Variants in NEMP2 observed in about 807,000 individuals in gnomAD.
NEMP2 encodes the protein UPF0571 transmembrane protein.
Under a neutral mutation model 54.2 loss-of-function variants are expected in NEMP2, and 53 were observed. That is an observed-to-expected ratio of 0.98 (90% CI 0.78 to 1.23). The LOEUF (loss-of-function observed/expected upper bound fraction) is 1.23, where lower values mean the gene tolerates loss of function less well. Ranked by LOEUF, NEMP2 falls within the 50% of genes most tolerant of loss-of-function variation. NEMP2 has a pLI of 0.00. For missense variants in NEMP2, 455 were observed against 511.3 expected (o/e 0.89, Z 1.06); for synonymous variants, 197 against 190.3 (o/e 1.04, Z -0.29).
the NEMP2 span, chr2:190,489,801 C>T: frequency 1.2e-6 from 2 of 1,614,166 alleles, no homozygotes; most frequent in South Asian, 1.1e-5. The surrounding 1 kb of genome is among the most constrained non-coding windows in gnomAD (Gnocchi z 6.6). Context: ...ATTGGCATGG[C>T]CTGCTTGGTG....
chr2:190,571,624 C>T, the NEMP2 span, among the ~76,000 whole-genome samples: 11 of 152,076 alleles, frequency 7.2e-5, no homozygotes, highest in Non-Finnish European at 1.0e-4. Flanking sequence ...CACTCTCTTA[C>T]GAATTTCCAG....
the NEMP2 span, chr2:190,437,024 C>T: frequency 6.2e-7 from 1 of 1,614,172 alleles, no homozygotes; most frequent in Non-Finnish European, 8.5e-7. This position sits in a 1 kb window ranked among gnomAD's most constrained non-coding sequence, Gnocchi z 5.9. Context: ...ATGTGGGGCT[C>T]CCTGGGCTGG....
chr2:190,435,596 A>G, the NEMP2 span, among the ~76,000 whole-genome samples: 3 of 152,108 alleles, frequency 2.0e-5, no homozygotes, highest in East Asian at 5.8e-4. Context: ...AGACTTCATA[A>G]TGTAGTGGAT....
chr2:190,462,030 TC>T, the NEMP2 span, among the ~76,000 whole-genome samples: 1 of 152,110 alleles, frequency 6.6e-6, no homozygotes, highest in Non-Finnish European at 1.5e-5. This position sits in a 1 kb window ranked among gnomAD's most constrained non-coding sequence, Gnocchi z 5.7. Context: ...CTATACGAAC[TC>T]AAAATCTACA....
chr2:190,519,118 A>G lies in NEMP2; in HGVS notation c.279T>C (p.Tyr93=). The G allele has an allele frequency of 6.4e-7, 1 of 1,551,176 alleles. No individual in the cohort carries two copies. The highest frequency in any genetic ancestry group is 8.7e-7 in the Non-Finnish European group (1 of 1,146,984). Residue 93 remains tyrosine, a synonymous_variant, in exon 3 of 9, where the codon TAT becomes TAC. Transcript: ENST00000409150. This position sits in a 1 kb window ranked among gnomAD's most constrained non-coding sequence, Gnocchi z 5.4. ...TGATAAAAGATAGAATGTTTTCTGG[A>G]TATTGGCAATTATGTCTTTCTGCGA... ...VYIAERHNCQ[Y]PENILSFIKC... is the part of the protein sequence containing the mutation.
At chr2:190,550,096 T>C in the NEMP2 span, among the ~76,000 whole-genome samples, 5 of 152,214 alleles carry the variant, frequency 3.3e-5, no homozygotes, top group East Asian at 7.7e-4. This position sits in a 1 kb window ranked among gnomAD's most constrained non-coding sequence, Gnocchi z 4.7. Context: ...TTTCCCCATA[T>C]CAAGATTCCT....
chr2:190,595,121 T>A, the NEMP2 span, among the ~76,000 whole-genome samples: 1 of 152,204 alleles, frequency 6.6e-6, no homozygotes. This position sits in a 1 kb window ranked among gnomAD's most constrained non-coding sequence, Gnocchi z 4.0. Context: ...CATCTGATCT[T>A]TGACAAGCCT....
chr2:190,456,510 C>T, the NEMP2 span, among the ~76,000 whole-genome samples: 1 of 152,192 alleles, frequency 6.6e-6, no homozygotes, highest in Admixed American at 6.5e-5. This position sits in a 1 kb window ranked among gnomAD's most constrained non-coding sequence, Gnocchi z 5.4. Flanking sequence ...ATGAGCCCCA[C>T]TCCGGGAACT....
chr2:190,462,054 T>G, the NEMP2 span, among the ~76,000 whole-genome samples: 1 of 152,168 alleles, frequency 6.6e-6, no homozygotes, highest in Non-Finnish European at 1.5e-5. The surrounding 1 kb of genome is among the most constrained non-coding windows in gnomAD (Gnocchi z 5.7). Context: ...AATATACTCC[T>G]TAGGCGATGA....
chr2:190,533,918 G>T lies in NEMP2; in HGVS notation c.97+641C>A. 1.1e-6 allele frequency: 1 copy of T among 948,888 alleles called. No individual in the cohort carries two copies. Among genetic ancestry groups the T allele is most frequent in the Non-Finnish European group, 1.3e-6 (1 of 796,734 alleles). The allele number at this position is 948,888 out of a possible 1,614,324, so 58.8% of individuals were successfully genotyped here. A position where few individuals can be genotyped will look rare whatever the true frequency, so the allele number is the denominator to read the frequency against. The stretch of plus-strand genomic sequence containing the variant: ...GCATCTTAAGCCCACTCCGTGGCGA[G>T]CCCCTACAGCTAGCAGCCGCTACCA... On this transcript the variant is annotated intron_variant, in intron 1 of 8. Transcript: ENST00000409150. The surrounding 1 kb of genome is among the most constrained non-coding windows in gnomAD (Gnocchi z 4.3).
chr2:190,478,325 TGGA>T, the NEMP2 span, among the ~76,000 whole-genome samples: 1 of 152,164 alleles, frequency 6.6e-6, no homozygotes, highest in Non-Finnish European at 1.5e-5. Context: ...TTTCTAATGC[TGGA>T]GGAGATGGTT....
At chr2:190,555,240 C>A in the NEMP2 span, among the ~76,000 whole-genome samples, 1 of 152,088 alleles carries the variant, frequency 6.6e-6, no homozygotes, top group African/African-American at 2.4e-5. The surrounding 1 kb of genome is among the most constrained non-coding windows in gnomAD (Gnocchi z 4.8). Context: ...GCTGAAGATT[C>A]CAAAAACCAG....
chr2:190,528,483 A>G lies in NEMP2; in HGVS notation c.98-3105T>C, dbSNP rs1691025753. Among the ~76,000 whole-genome samples the G allele has an allele frequency of 6.6e-6, 1 of 152,180 alleles. No individual in the cohort carries two copies. Among genetic ancestry groups the G allele is most frequent in the Admixed American group, 6.5e-5 (1 of 15,278 alleles). ...CTACCTATCGTTGGAAAGGGAGTGC[A>G]TTCCAGCAGGGCAGGTGAAGAGCAT... is the stretch of plus-strand genomic sequence containing the variant. On this transcript the variant is annotated intron_variant, in intron 1 of 8. Transcript: ENST00000409150. The surrounding 1 kb of genome is among the most constrained non-coding windows in gnomAD (Gnocchi z 4.3).
chr2:190,618,206 C>T, the NEMP2 span, among the ~76,000 whole-genome samples: 1 of 152,182 alleles, frequency 6.6e-6, no homozygotes, highest in Non-Finnish European at 1.5e-5. Context: ...TGGCTGTTTG[C>T]CTCATTGTTT....
At chr2:190,498,498 GTTAA>G in the NEMP2 span, among the ~76,000 whole-genome samples, 1 of 152,146 alleles carries the variant, frequency 6.6e-6, no homozygotes, top group South Asian at 2.1e-4. This position sits in a 1 kb window ranked among gnomAD's most constrained non-coding sequence, Gnocchi z 5.9. Context: ...TTGTTGAACT[GTTAA>G]TTAATCTCAC....
the NEMP2 span, among the ~76,000 whole-genome samples, chr2:190,450,744 C>T: frequency 1.3e-5 from 2 of 152,160 alleles, no homozygotes; most frequent in Non-Finnish European, 2.9e-5. Flanking sequence ...CTGCCCACCT[C>T]AGCCTCCGAA....
At chr2:190,495,435 A>G in the NEMP2 span, among the ~76,000 whole-genome samples, 1 of 152,306 alleles carries the variant, frequency 6.6e-6, no homozygotes, top group African/African-American at 2.4e-5. This position sits in a 1 kb window ranked among gnomAD's most constrained non-coding sequence, Gnocchi z 4.7. Context: ...AAAGCAATCT[A>G]CAAATTCAAT....
At chr2:190,517,782 T>C (rs73979264) in intron 4 of NEMP2, among the ~76,000 whole-genome samples, 169 bp from the exon 5 acceptor site, 2,530 of 152,304 alleles carry the variant, frequency 0.017, 72 homozygotes, top group African/African-American at 0.057. Context: ...GTACTTGAAA[T>C]TTATGGTAAG....
chr2:190,562,518 A>G, the NEMP2 span, among the ~76,000 whole-genome samples: 4 of 152,270 alleles, frequency 2.6e-5, no homozygotes, highest in African/African-American at 7.2e-5. The surrounding 1 kb of genome is among the most constrained non-coding windows in gnomAD (Gnocchi z 5.0). Context: ...ATGTTTGCTT[A>G]TTGATGGATC....
Sources: gnomAD v4.1 joint callset for allele counts (sites outside exome capture counted in the v4.1 genomes callset) on GRCh38, gnomAD v4.1.1 for gene constraint, Gnocchi (gnomAD v3.1) non-coding constraint, MANE v1.5 for transcripts, NCBI Gene and HGNC (gene_info 2026-07-23, HGNC 2026-07-21) for gene names.